Variants in OIT3 observed in about 807,000 individuals in gnomAD.
OIT3 encodes the protein oncoprotein-induced transcript 3 protein.
Under a neutral mutation model 52.2 loss-of-function variants are expected in OIT3, and 41 were observed. The observed-to-expected ratio is 0.79, with a 90% CI of 0.61 to 1.02. The LOEUF (loss-of-function observed/expected upper bound fraction) is 1.02. OIT3 is among the 50% of genes least tolerant of loss of function. The pLI is 0.00. For synonymous variants in OIT3, 244 were observed against 276.9 expected, an observed-to-expected ratio of 0.88 and a Z score of 1.18; for missense variants, 634 against 715.5, an observed-to-expected ratio of 0.89 and a Z score of 1.30.
intron 7 of OIT3, among the ~76,000 whole-genome samples, chr10:72,929,698 C>T (rs911420933): frequency 6.6e-5 from 10 of 151,494 alleles, no homozygotes; most frequent in Non-Finnish European, 1.0e-4. Context: ...GGCACCATGA[C>T]GCCTGGCTAA....
intron 4 of OIT3, among the ~76,000 whole-genome samples, chr10:72,910,022 T>A (rs1419438586): frequency 6.6e-6 from 1 of 152,188 alleles, no homozygotes; most frequent in Non-Finnish European, 1.5e-5. Context: ...CCACAATCCA[T>A]TTGCCAGATA....
chr10:72,922,359 C>T (rs371040725), intron 6 of OIT3, among the ~76,000 whole-genome samples: 1 of 152,068 alleles, frequency 6.6e-6, no homozygotes, highest in East Asian at 1.9e-4. Context: ...CCATATTTCT[C>T]GGAGGTTTTG....
Position 72,918,639 on chromosome 10 carries a change from A to G in OIT3, c.951+5171A>G, listed in dbSNP as rs1347378508. On this transcript the variant is annotated intron_variant, in intron 6 of 8. Transcript: ENST00000334011. ...ACAGAATCACACCAGGGTACACTTAAGTTTTTAACCCATCTTGAGTTAATT... is the reference window on the plus strand; with the variant it reads ...ACAGAATCACACCAGGGTACACTTAGGTTTTTAACCCATCTTGAGTTAATT... The G allele has an allele frequency of 9.2e-6, 6 of 654,238 alleles. No homozygotes were observed. In the East Asian group the frequency reaches 1.1e-4, roughly 12 times the overall value. 40.5% of individuals were successfully genotyped at this position (654,238 alleles called of 1,614,324 possible).
intron 6 of OIT3, among the ~76,000 whole-genome samples, chr10:72,918,754 T>C (rs965945014): frequency 2.6e-5 from 4 of 152,216 alleles, no homozygotes; most frequent in Non-Finnish European, 5.9e-5. Context: ...TTGCTTGTTT[T>C]TGTCAGGTTT....
At chr10:72,913,164 T>G (rs1193523536) in intron 5 of OIT3, 144 bp from the exon 6 acceptor site, 4 of 598,478 alleles carry the variant, frequency 6.7e-6, no homozygotes, top group African/African-American at 1.8e-5. Flanking sequence ...AGTGGTTTTA[T>G]TCACCAACTT....
At chr10:72,902,662 A>T (rs560655168) in intron 3 of OIT3, among the ~76,000 whole-genome samples, 75 of 152,354 alleles carry the variant, frequency 4.9e-4, no homozygotes, top group African/African-American at 1.8e-3. Context: ...ATGGCAGAAG[A>T]TGAATGAGAA....
chr10:72,920,968 C>T (rs1273148712), intron 6 of OIT3, among the ~76,000 whole-genome samples: 2 of 152,132 alleles, frequency 1.3e-5, no homozygotes, highest in Non-Finnish European at 2.9e-5. Flanking sequence ...AGTTCAGGTC[C>T]TAAATATCTT....
At chr10:72,922,240 T>C (rs1452692953) in intron 6 of OIT3, among the ~76,000 whole-genome samples, 1 of 152,150 alleles carries the variant, frequency 6.6e-6, no homozygotes, top group African/African-American at 2.4e-5. Flanking sequence ...TCTAGCAGGG[T>C]TGGGGAAGTG....
Position 72,929,945 on chromosome 10 carries a change from T to C in OIT3, c.1368-593T>C, listed in dbSNP as rs528066749. Among the ~76,000 whole-genome samples the C allele has an allele frequency of 2.0e-5, 3 of 152,308 alleles. No homozygotes were observed. In the South Asian group the frequency reaches 6.2e-4, roughly 32 times the overall value. ...ACCCCAAAACCCTATCAAACTGCAATTTAACATTAAATTTGGGAAAAGAGA... is the reference window on the plus strand; with the variant it reads ...ACCCCAAAACCCTATCAAACTGCAACTTAACATTAAATTTGGGAAAAGAGA... On this transcript the variant is annotated intron_variant, in intron 7 of 8. Coordinates refer to ENST00000334011, the MANE Select transcript of OIT3 (RefSeq NM_152635.3).
chr10:72,924,279 G>A lies in OIT3; in HGVS notation c.1002G>A (p.Lys334=), dbSNP rs1253733221. 6.8e-6 allele frequency: 11 copies of A among 1,613,166 alleles called. No homozygotes were observed. The highest frequency in any genetic ancestry group is 6.8e-6 in the Non-Finnish European group (8 of 1,179,420). ...GCAACCTCGTGACAGGTCTACCCAA[G>A]CAGACCCCGGGGAGCAGCGGGGACT... ...VASNLVTGLP[K]QTPGSSGDFI... Residue 334 remains lysine, a synonymous_variant, in exon 7 of 9, where the codon AAG becomes AAA. Coordinates refer to ENST00000334011, the MANE Select transcript of OIT3 (RefSeq NM_152635.3).
In OIT3 at chr10:72,898,645, G is replaced by A. The variant is rs1416602716; in HGVS notation, c.62-19G>A. 5.7e-6 allele frequency: 9 copies of A among 1,588,898 alleles called. No individual in the cohort carries two copies. Among genetic ancestry groups the A allele is most frequent in the Non-Finnish European group, 6.0e-6 (7 of 1,161,882 alleles). On this transcript the variant is annotated intron_variant, in intron 1 of 8. Coordinates refer to ENST00000334011, the MANE Select transcript of OIT3 (RefSeq NM_152635.3). ...TCCGAAACACTCCAGGTACTCTGAG[G>A]TATCTTTTTCATTTCCAGCCCTAGA... is the stretch of plus-strand genomic sequence containing the variant.
intron 6 of OIT3, among the ~76,000 whole-genome samples, chr10:72,918,828 A>G (rs1291038202): frequency 6.6e-6 from 1 of 151,938 alleles, no homozygotes; most frequent in Non-Finnish European, 1.5e-5. Flanking sequence ...TGTTCCATTG[A>G]TCTGTGTCTG....
chr10:72,910,473 G>A (rs1385714473), intron 4 of OIT3, among the ~76,000 whole-genome samples: 1 of 151,984 alleles, frequency 6.6e-6, no homozygotes, highest in Non-Finnish European at 1.5e-5. Flanking sequence ...GGCTAACACA[G>A]TGAAATCCTG....
At chr10:72,909,424 G>A (rs1315785681) in intron 4 of OIT3, among the ~76,000 whole-genome samples, 1 of 151,416 alleles carries the variant, frequency 6.6e-6, no homozygotes, top group African/African-American at 2.4e-5. Flanking sequence ...CAGGCTCCCT[G>A]TGTCTCTTTT....
rs1028115765 is a variant in OIT3, at chr10:72,924,469, G to A, written c.1192G>A (p.Glu398Lys). 24 of 1,614,074 alleles carry A rather than the reference G, an allele frequency of 1.5e-5. No individual in the cohort carries two copies. The highest frequency in any genetic ancestry group is 1.9e-5 in the Non-Finnish European group (23 of 1,180,032). The part of the protein sequence containing the change: ...PFTLEIFKDN[E>K]FEEPYREALP... ...CACTCTGGAGATCTTCAAGGACAAT[G>A]AGTTTGAAGAGCCTTACCGGGAAGC... Residue 398 changes from glutamate (E) to lysine (K), a missense_variant, in exon 7 of 9, where the codon GAG becomes AAG. Glu to Lys is a moderately conservative substitution (Grantham distance 56). Transcript: ENST00000334011.
intron 6 of OIT3, among the ~76,000 whole-genome samples, chr10:72,923,723 G>A (rs1314929022): frequency 2.6e-5 from 4 of 152,176 alleles, no homozygotes; most frequent in East Asian, 1.9e-4. Context: ...AAACAGGATC[G>A]AGGACCTGCT....
intron 7 of OIT3, 22 bp from the exon 8 acceptor site, chr10:72,930,516 G>A (rs768850162): frequency 1.1e-5 from 17 of 1,535,170 alleles, no homozygotes; most frequent in Non-Finnish European, 1.4e-5. Flanking sequence ...CAAGTCTTAT[G>A]TGCTATCTGC....
At chr10:72,912,272 C>CT (rs749814581) in intron 5 of OIT3, among the ~76,000 whole-genome samples, 19,406 of 125,732 alleles carry the variant, frequency 0.15, 4,520 homozygotes, top group African/African-American at 0.51. Flanking sequence ...TCTTTTTTTT[C>CT]TTTTTTTTTT....
intron 3 of OIT3, among the ~76,000 whole-genome samples, chr10:72,903,212 C>T (rs927884833): frequency 1.3e-5 from 2 of 151,872 alleles, no homozygotes; most frequent in Non-Finnish European, 1.5e-5. Context: ...TTAAGTTTTG[C>T]TTCCTTTTTG....
Sources: gnomAD v4.1 joint callset for allele counts (sites outside exome capture counted in the v4.1 genomes callset) on GRCh38, gnomAD v4.1.1 for gene constraint, MANE v1.5 for transcripts, NCBI Gene and HGNC (gene_info 2026-07-23, HGNC 2026-07-21) for gene names.